STAMBP: variants seen among roughly 807,000 people sequenced by gnomAD.
The protein encoded by STAMBP is STAM binding protein, also known as STAM-binding protein.
A neutral mutation model predicts 50.7 loss-of-function variants in STAMBP; 31 were observed. The observed-to-expected ratio is 0.61, with a 90% CI of 0.46 to 0.83. The LOEUF (loss-of-function observed/expected upper bound fraction) is 0.83, where lower values mean the gene tolerates loss of function less well. Ranked by LOEUF, STAMBP falls within the 40% of genes least tolerant of loss-of-function variation. The pLI, the probability that STAMBP is intolerant of heterozygous loss-of-function variation, is 0.00. For missense variants in STAMBP, 472 were observed against 518.9 expected, an observed-to-expected ratio of 0.91 and a Z score of 0.88; for synonymous variants, 211 against 192.4, an observed-to-expected ratio of 1.10 and a Z score of -0.80.
downstream of STAMBP, among the ~76,000 whole-genome samples, chr2:73,871,321 A>G (rs766654783): frequency 3.9e-5 from 6 of 152,000 alleles, no homozygotes; most frequent in Non-Finnish European, 8.8e-5. Flanking sequence ...AGGTGGGTGG[A>G]TCACCAGAGA....
chr2:73,858,277 T>G (rs1008540269), intron 7 of STAMBP, among the ~76,000 whole-genome samples: 3 of 149,820 alleles, frequency 2.0e-5, no homozygotes, highest in Non-Finnish European at 4.4e-5. Context: ...TAGCTGAGAT[T>G]ACAGGTGCCC....
chr2:73,834,215 AAAAAAAAAAAAAAAAAAAAAAAT>A (rs1558557210), intron 2 of STAMBP, among the ~76,000 whole-genome samples: 2 of 13,492 alleles, frequency 1.5e-4, no homozygotes. Context: ...GTCTTAAAAA[AAAAAAAAAAAAAAAAAAAAAAAT>A]ATATATATAT....
intron 4 of STAMBP, 97 bp from the exon 5 acceptor site, chr2:73,847,290 G>A: frequency 6.9e-7 from 1 of 1,447,364 alleles, no homozygotes; most frequent in Non-Finnish European, 9.3e-7. Flanking sequence ...CACAGCAGAA[G>A]TACATTTTGG....
chr2:73,836,398 T>G (rs1217783159), intron 2 of STAMBP, among the ~76,000 whole-genome samples: 1 of 152,166 alleles, frequency 6.6e-6, no homozygotes, highest in Non-Finnish European at 1.5e-5. Flanking sequence ...CCCCCTCCCC[T>G]CCACCCCGTG....
intron 4 of STAMBP, among the ~76,000 whole-genome samples, chr2:73,847,028 G>T (rs1444244940): frequency 6.6e-6 from 1 of 150,886 alleles, no homozygotes; most frequent in Non-Finnish European, 1.5e-5. Context: ...GCTGCAGTGA[G>T]CTGTGATCAT....
rs778025477 is a variant in STAMBP at position 73,847,384 on chromosome 2, TAGA to T, written c.379_381del (p.Lys127del). On this transcript the variant is annotated splice_acceptor_variant and coding_sequence_variant, in exon 5 of 10. Coordinates refer to ENST00000394070, the MANE Select transcript of STAMBP (RefSeq NM_213622.4). LOFTEE classifies it high-confidence loss of function. ...TGTTAGCCTAAATTTTCTCTCTTTG[TAGA>T]AGAAGGAAGCAGAGGAATTGGCCCG... 1.4e-5 allele frequency: 23 copies of T among 1,591,432 alleles called. No homozygotes were observed. Among genetic ancestry groups the T allele is most frequent in the South Asian group, 9.1e-5 (8 of 88,288 alleles).
chr2:73,858,593 T>A (rs1210567345), intron 7 of STAMBP, among the ~76,000 whole-genome samples: 1 of 152,202 alleles, frequency 6.6e-6, no homozygotes, highest in Admixed American at 6.5e-5. Flanking sequence ...AAATCTACTC[T>A]CTTAAGCAGT....
At chr2:73,845,999 C>A (rs559511524) in intron 4 of STAMBP, among the ~76,000 whole-genome samples, 1 of 152,300 alleles carries the variant, frequency 6.6e-6, no homozygotes, top group South Asian at 2.1e-4. Flanking sequence ...ACTGCCAGGG[C>A]GCTGTCAGTG....
chr2:73,862,300 T>C lies in STAMBP; in HGVS notation c.*41T>C, dbSNP rs1173530923. The C allele has an allele frequency of 6.3e-7, 1 of 1,579,246 alleles. No homozygotes were observed. Among genetic ancestry groups the C allele is most frequent in the South Asian group, 1.1e-5 (1 of 86,958 alleles). ...ACCTTCCAAGAACAACAAAACCATA[T>C]CAGTGTACTGTAGCCCCTTAATTTA... On this transcript the variant is annotated 3_prime_UTR_variant, in exon 10 of 10. Transcript: ENST00000394070.
intron 8 of STAMBP, 65 bp from the exon 9 acceptor site, chr2:73,859,987 G>C: frequency 4.5e-6 from 5 of 1,117,234 alleles, no homozygotes; most frequent in South Asian, 1.3e-5. Context: ...GTGTGTGTGC[G>C]TGCATATGTT....
intron 9 of STAMBP, among the ~76,000 whole-genome samples, chr2:73,860,823 G>A (rs1239054933): frequency 6.6e-6 from 1 of 152,170 alleles, no homozygotes; most frequent in Non-Finnish European, 1.5e-5. Context: ...ATGGAAAAGG[G>A]ACTAAGAACC....
At chr2:73,859,229 C>T in intron 7 of STAMBP, 25 bp from the exon 8 acceptor site, 2 of 1,590,626 alleles carry the variant, frequency 1.3e-6, no homozygotes, top group Non-Finnish European at 1.7e-6. Flanking sequence ...CGCTAAGAGT[C>T]CTCTGACTCT....
chr2:73,845,121 A>C (rs1240671816), intron 3 of STAMBP, 46 bp from the exon 4 acceptor site: 1 of 1,600,094 alleles, frequency 6.2e-7, no homozygotes, highest in South Asian at 1.1e-5. Flanking sequence ...TGGATTCTGT[A>C]ATTTTCTGGC....
intron 2 of STAMBP, among the ~76,000 whole-genome samples, chr2:73,840,734 ACT>A (rs1272970538): frequency 6.6e-6 from 1 of 150,404 alleles, no homozygotes; most frequent in Non-Finnish European, 1.5e-5. Context: ...GCAGAGCAAG[ACT>A]CTGTCTCAAA....
chr2:73,830,883 C>A lies in STAMBP; in HGVS notation c.27C>A (p.Leu9=). ...TGTCTGACCATGGAGATGTGAGCCT[C>A]CCGCCCGAAGACCGGGTGAGGGCTC... The part of the protein sequence containing the change: MSDHGDVS[L]PPEDRVRALS... Residue 9 remains leucine, a synonymous_variant, in exon 2 of 10, where the codon CTC becomes CTA. Transcript: ENST00000394070. The A allele has an allele frequency of 6.2e-7, 1 of 1,613,462 alleles. No individual in the cohort carries two copies.
rs1310611389 is a variant in STAMBP, at chr2:73,855,585, T to G, written c.1006-3669T>G. On this transcript the variant is annotated intron_variant, in intron 7 of 9. Transcript: ENST00000394070. ...GGAAGGTGGTGTTGGCACAGGCCAC[T>G]GCTCTTTAGCAGCCTAAAGGATTAT... is the stretch of plus-strand genomic sequence containing the variant. 5 of 456,094 alleles carry G rather than the reference T, an allele frequency of 1.1e-5. No individual in the cohort carries two copies. In the East Asian group the frequency reaches 3.5e-4, roughly 32 times the overall value. 28.3% of individuals were successfully genotyped at this position (456,094 alleles called of 1,614,324 possible). A position where few individuals can be genotyped will look rare whatever the true frequency, so the allele number is the denominator to read the frequency against.
intron 2 of STAMBP, among the ~76,000 whole-genome samples, chr2:73,836,592 C>G (rs1674740223): frequency 6.6e-6 from 1 of 152,224 alleles, no homozygotes. Flanking sequence ...ATGGCTAAAG[C>G]CTGCAGATGA....
Position 73,849,412 on chromosome 2 carries a change from C to CCCACAGTTTCT in STAMBP, c.796_806dup (p.Gln269HisfsTer6). On this transcript the variant is annotated frameshift_variant, in exon 6 of 10. Transcript: ENST00000394070. LOFTEE classifies it high-confidence loss of function. ...ATGTGGTGGTGCCTGGGCGGCTGTG[C>CCCACAGTTTCT]CCACAGTTTCTCCAGTTAGCCAGTG... The CCCACAGTTTCT allele has an allele frequency of 1.2e-6, 2 of 1,614,034 alleles. No homozygotes were observed. The highest frequency in any genetic ancestry group is 2.2e-5 in the South Asian group (2 of 91,086).
intron 7 of STAMBP, among the ~76,000 whole-genome samples, chr2:73,855,197 C>T (rs997401333): frequency 2.0e-5 from 3 of 152,190 alleles, no homozygotes; most frequent in African/African-American, 7.2e-5. Flanking sequence ...CATGTTTCAG[C>T]GCTATCTGAG....
Sources: gnomAD v4.1 joint callset for allele counts (sites outside exome capture counted in the v4.1 genomes callset) on GRCh38, gnomAD v4.1.1 for gene constraint, MANE v1.5 for transcripts, NCBI Gene and HGNC (gene_info 2026-07-23, HGNC 2026-07-21) for gene names.